OXNAD1: variants seen among roughly 807,000 people sequenced by gnomAD.
OXNAD1 encodes the protein oxidoreductase NAD-binding domain-containing protein 1.
Under a neutral mutation model 32.9 loss-of-function variants are expected in OXNAD1, and 34 were observed. The ratio of observed to expected loss-of-function variants is 1.03; its 90% CI spans 0.79 to 1.38. The LOEUF (loss-of-function observed/expected upper bound fraction) is 1.38, where lower values mean the gene tolerates loss of function less well. Ranked by LOEUF, OXNAD1 falls within the 40% of genes most tolerant of loss-of-function variation. The pLI is 0.00. For missense variants in OXNAD1, 407 were observed against 379.4 expected (o/e 1.07, Z -0.60); for synonymous variants, 134 against 135.2 (o/e 0.99, Z 0.06).
In OXNAD1 at chr3:16,348,907, C is replaced by G. The variant is rs536159201; in HGVS notation, c.*31-269C>G. Among the ~76,000 whole-genome samples, 14 of 152,168 alleles carry G rather than the reference C, an allele frequency of 9.2e-5. No individual in the cohort carries two copies. Among genetic ancestry groups the G allele is most frequent in the Non-Finnish European group, 1.9e-4 (13 of 68,038 alleles). On this transcript the variant is annotated intron_variant, in intron 9 of 9. Coordinates refer to the OXNAD1 transcript ENST00000606098. The surrounding 1 kb of genome is among the most constrained non-coding windows in gnomAD (Gnocchi z 6.3). The stretch of plus-strand genomic sequence containing the variant: ...CAATCCACACACATTTCAGAACACC[C>G]GAGCAAGTGGCTGCTGCCAAGGAGG...
Position 16,302,668 on chromosome 3 carries a change from T to A in OXNAD1, c.704T>A (p.Phe235Tyr). 2 of 1,612,840 alleles carry A rather than the reference T, an allele frequency of 1.2e-6. No homozygotes were observed. Among genetic ancestry groups the A allele is most frequent in the Non-Finnish European group, 1.7e-6 (2 of 1,179,202 alleles). Reference sequence around the variant, plus strand: ...AATATCCTTGATTTAGTAAATGAATTTCCTGAGAAGATTGCATGCAGTTTG... The same window carrying A: ...AATATCCTTGATTTAGTAAATGAATATCCTGAGAAGATTGCATGCAGTTTG... ...KKNILDLVNE[F>Y]PEKIACSLHV... Residue 235 changes from phenylalanine (F) to tyrosine (Y), a missense_variant, in exon 8 of 9, where the codon TTT (phenylalanine) becomes TAT (tyrosine). Transcript: ENST00000285083. This position sits in a 1 kb window ranked among gnomAD's most constrained non-coding sequence, Gnocchi z 4.2.
chr3:16,320,572 T>C lies in OXNAD1; in HGVS notation c.*31-16540T>C, dbSNP rs899410120. The stretch of plus-strand genomic sequence containing the variant: ...GGATAAAATAATGATCACAAATAAC[T>C]AAAAGCCCAAAGGAGAGCTCTGAAG... On this transcript the variant is annotated intron_variant, in intron 9 of 9. Transcript: ENST00000435829. The surrounding 1 kb of genome is among the most constrained non-coding windows in gnomAD (Gnocchi z 4.5). 6.6e-6 allele frequency among the ~76,000 whole-genome samples: 1 copy of C among 152,182 alleles called. No individual in the cohort carries two copies. The highest frequency in any genetic ancestry group is 2.4e-5 in the African/African-American group (1 of 41,442).
chr3:16,265,926 A>G lies in OXNAD1; in HGVS notation c.-159+421A>G, dbSNP rs1430053533. The G allele has an allele frequency of 3.1e-6, 3 of 982,824 alleles. No homozygotes were observed. Among genetic ancestry groups the G allele is most frequent in the South Asian group, 4.7e-5 (1 of 21,232 alleles). The allele number at this position is 982,824 out of a possible 1,614,324, so 60.9% of individuals were successfully genotyped here. ...AGGCAGGTTTATCAGTGTGAGGCCT[A>G]TGTATGCCTTGAAGCGAAATGCAGA... On this transcript the variant is annotated intron_variant, in intron 1 of 8. Coordinates refer to ENST00000285083, the MANE Select transcript of OXNAD1 (RefSeq NM_138381.5). The surrounding 1 kb of genome is among the most constrained non-coding windows in gnomAD (Gnocchi z 4.8).
In OXNAD1 at chr3:16,289,698, T is replaced by C. The variant is rs79307899; in HGVS notation, c.290+3250T>C. On this transcript the variant is annotated intron_variant, in intron 5 of 8. Transcript: ENST00000285083. The surrounding 1 kb of genome is among the most constrained non-coding windows in gnomAD (Gnocchi z 4.9). Reference sequence around the variant, plus strand: ...TCCTTGGCATCTTTTTCAAACTGTGTCCTCCCCCATTACTCATCTGGTAAG... The same window carrying C: ...TCCTTGGCATCTTTTTCAAACTGTGCCCTCCCCCATTACTCATCTGGTAAG... Among the ~76,000 whole-genome samples the C allele has an allele frequency of 3.5e-3, 537 of 152,304 alleles. 27 individuals are homozygous for C. The East Asian group carries it at 0.081, about 23-fold the overall frequency.
rs561928957 is a variant in OXNAD1, at chr3:16,284,559, T to C, written c.184-1783T>C. Among the ~76,000 whole-genome samples, 21 of 152,358 alleles carry C rather than the reference T, an allele frequency of 1.4e-4. No individual in the cohort carries two copies. In the South Asian group the frequency reaches 3.9e-3, roughly 29 times the overall value. ...TAGAAAAATAGTAAAAATCTGGTAT[T>C]ATGGGATCACCTTGTATATGTGCTT... On this transcript the variant is annotated intron_variant, in intron 4 of 8. Coordinates refer to ENST00000285083, the MANE Select transcript of OXNAD1 (RefSeq NM_138381.5). The surrounding 1 kb of genome is among the most constrained non-coding windows in gnomAD (Gnocchi z 4.1).
chr3:16,295,677 C>T (rs1323231395), intron 6 of OXNAD1, among the ~76,000 whole-genome samples: 1 of 152,122 alleles, frequency 6.6e-6, no homozygotes, highest in African/African-American at 2.4e-5. Context: ...TTTTTCTATT[C>T]TTTTCCTTTT....
At position 16,290,673 on chromosome 3, in the gene OXNAD1, AAGTT is replaced by A. The variant is rs1042185809; in HGVS notation, c.291-4181_291-4178del. Reference sequence around the variant, plus strand: ...TTTTATCTTGTCAGAAATGAAAAGAAAGTTAAAGTACTCATGGAAAAGAGTCAAG... The same window carrying A: ...TTTTATCTTGTCAGAAATGAAAAGAAAAAGTACTCATGGAAAAGAGTCAAG... On this transcript the variant is annotated intron_variant, in intron 5 of 8. Coordinates refer to ENST00000285083, the MANE Select transcript of OXNAD1 (RefSeq NM_138381.5). This position sits in a 1 kb window ranked among gnomAD's most constrained non-coding sequence, Gnocchi z 4.2. 6.6e-5 allele frequency among the ~76,000 whole-genome samples: 10 copies of A among 152,382 alleles called. No individual in the cohort carries two copies. Among genetic ancestry groups the A allele is most frequent in the Admixed American group, 2.0e-4 (3 of 15,304 alleles).
At chr3:16,275,365 T>C (rs2065243360) in intron 4 of OXNAD1, 1 of 152,252 alleles carries the variant, frequency 6.6e-6, no homozygotes, top group Non-Finnish European at 1.5e-5. Flanking sequence ...AGACCAGGAG[T>C]TTAAGACCAG....
rs1419526063 is a variant in OXNAD1 at position 16,271,938 on chromosome 3, A to G, written c.183+216A>G. ...AATTTTTCCCTTTAAACTTGGAATG[A>G]ATGGATTACCTTTTGATGAAGCAAG... On this transcript the variant is annotated intron_variant, in intron 4 of 8. Coordinates refer to ENST00000285083, the MANE Select transcript of OXNAD1 (RefSeq NM_138381.5). The surrounding 1 kb of genome is among the most constrained non-coding windows in gnomAD (Gnocchi z 4.6). Among the ~76,000 whole-genome samples the G allele has an allele frequency of 6.6e-6, 1 of 152,208 alleles. No individual in the cohort carries two copies. Among genetic ancestry groups the G allele is most frequent in the Non-Finnish European group, 1.5e-5 (1 of 68,034 alleles).
rs2068364429 is a variant in OXNAD1, at chr3:16,316,110, G to T, written c.*30+12518G>T. On this transcript the variant is annotated intron_variant, in intron 9 of 9. Transcript: ENST00000435829. The surrounding 1 kb of genome is among the most constrained non-coding windows in gnomAD (Gnocchi z 4.5). ...GATGCCCTGAAGTGACAGAAGTAATGTGGTTTGTATGATGTGCTGAGTACA... is the reference window on the plus strand; with the variant it reads ...GATGCCCTGAAGTGACAGAAGTAATTTGGTTTGTATGATGTGCTGAGTACA... 6.5e-6 allele frequency: 1 copy of T among 152,856 alleles called. No homozygotes were observed. Among genetic ancestry groups the T allele is most frequent in the South Asian group, 2.1e-4 (1 of 4,838 alleles). The allele number at this position is 152,856 out of a possible 1,614,324, so 9.5% of individuals were successfully genotyped here. A position where few individuals can be genotyped will look rare whatever the true frequency, so the allele number is the denominator to read the frequency against.
chr3:16,292,523 GCA>G (rs2066502918), intron 5 of OXNAD1, among the ~76,000 whole-genome samples: 1 of 152,052 alleles, frequency 6.6e-6, no homozygotes, highest in Non-Finnish European at 1.5e-5. Flanking sequence ...AACATTTGTA[GCA>G]CAGAGTTTTA....
In OXNAD1 at chr3:16,271,527, TACTC is replaced by T. The variant is rs1034245646; in HGVS notation, c.120-128_120-125del. Reference sequence around the variant, plus strand: ...CCAAAACTTTAGTTAGACGGGCAGATACTCACTGGCCATTTTATAGGATCTGTAA... The same window carrying T: ...CCAAAACTTTAGTTAGACGGGCAGATACTGGCCATTTTATAGGATCTGTAA... On this transcript the variant is annotated intron_variant, in intron 3 of 8. Transcript: ENST00000285083. The surrounding 1 kb of genome is among the most constrained non-coding windows in gnomAD (Gnocchi z 4.6). 1.4e-6 allele frequency: 1 copy of T among 740,678 alleles called. No individual in the cohort carries two copies. The highest frequency in any genetic ancestry group is 1.8e-5 in the African/African-American group (1 of 54,384). The allele number at this position is 740,678 out of a possible 1,614,324, so 45.9% of individuals were successfully genotyped here.
intron 4 of OXNAD1, among the ~76,000 whole-genome samples, chr3:16,276,811 G>A (rs2065362628): frequency 2.0e-5 from 3 of 151,896 alleles, no homozygotes; most frequent in Admixed American, 6.6e-5. Context: ...GCAAACTCTT[G>A]AGAATTTTAG....
rs1388399911 is a variant in OXNAD1, at chr3:16,290,625, A to G, written c.290+4177A>G. 6.6e-6 allele frequency among the ~76,000 whole-genome samples: 1 copy of G among 152,240 alleles called. No individual in the cohort carries two copies. The highest frequency in any genetic ancestry group is 1.5e-5 in the Non-Finnish European group (1 of 68,046). Reference sequence around the variant, plus strand: ...TAGCATATAGCAACTGTGTTAACAAATGCTAACGATAGTCTTTTAAATTTT... The same window carrying G: ...TAGCATATAGCAACTGTGTTAACAAGTGCTAACGATAGTCTTTTAAATTTT... On this transcript the variant is annotated intron_variant, in intron 5 of 8. Transcript: ENST00000285083. This position sits in a 1 kb window ranked among gnomAD's most constrained non-coding sequence, Gnocchi z 4.2.
At chr3:16,323,339 C>T (rs59223456) in intron 9 of OXNAD1, 203,468 of 1,470,128 alleles carry the variant, frequency 0.14, 18,823 homozygotes, top group African/African-American at 0.45. Flanking sequence ...TGAAGCCCTG[C>T]TGAGGAAAAC....
At chr3:16,266,624 AAAG>A (rs1449552872) in intron 1 of OXNAD1, among the ~76,000 whole-genome samples, 3 of 151,292 alleles carry the variant, frequency 2.0e-5, no homozygotes, top group Non-Finnish European at 4.4e-5. Flanking sequence ...AAAAAAAAAA[AAAG>A]AAGTAGGTCA....
chr3:16,281,799 G>A (rs1019309857), intron 4 of OXNAD1, among the ~76,000 whole-genome samples: 1 of 150,980 alleles, frequency 6.6e-6, no homozygotes, highest in African/African-American at 2.4e-5. Context: ...ACACATGCCA[G>A]TTAAGCTGTC....
At position 16,288,003 on chromosome 3, in the gene OXNAD1, T is replaced by C. The variant is rs2066186577; in HGVS notation, c.290+1555T>C. ...GTGTGACGCTTTCCCTCCCAGGTGT[T>C]GATCAGCATTCATTCCAGGCCCCTG... On this transcript the variant is annotated intron_variant, in intron 5 of 8. Coordinates refer to ENST00000285083, the MANE Select transcript of OXNAD1 (RefSeq NM_138381.5). The surrounding 1 kb of genome is among the most constrained non-coding windows in gnomAD (Gnocchi z 5.1). Among the ~76,000 whole-genome samples, 1 of 152,162 alleles carries C rather than the reference T, an allele frequency of 6.6e-6. No homozygotes were observed. The highest frequency in any genetic ancestry group is 6.6e-5 in the Admixed American group (1 of 15,266).
chr3:16,300,032 G>A (rs1057050002), intron 6 of OXNAD1, among the ~76,000 whole-genome samples: 1 of 152,150 alleles, frequency 6.6e-6, no homozygotes, highest in Non-Finnish European at 1.5e-5. Flanking sequence ...ATGAGGCTCA[G>A]AATTTAAGGG....
Sources: allele counts gnomAD v4.1 joint callset (sites outside exome capture counted in the v4.1 genomes callset), GRCh38; gene constraint gnomAD v4.1.1; non-coding constraint Gnocchi (gnomAD v3.1); transcripts MANE v1.5; gene names NCBI Gene and HGNC (gene_info 2026-07-23, HGNC 2026-07-21).